The following SLC5A10 variants were observed in gnomAD, a reference collection of about 807,000 sequenced individuals.
The protein encoded by SLC5A10 is solute carrier family 5 member 10, also known as sodium/mannose cotransporter SLC5A10.
In SLC5A10, 55 loss-of-function variants were observed where a neutral mutation model predicts 68.9. That is an observed-to-expected ratio of 0.80 (90% CI 0.64 to 1.00). SLC5A10 has a LOEUF of 1.00. Ranked by LOEUF, SLC5A10 falls within the 50% of genes least tolerant of loss-of-function variation. The probability of loss-of-function intolerance (pLI) is 0.00; values close to 1 mark genes in which losing one functional copy is unlikely to be tolerated. For synonymous variants in SLC5A10, 344 were observed against 344.8 expected (o/e 1.00, Z 0.02); for missense variants, 732 against 819.3 (o/e 0.89, Z 1.30).
At chr17:18,970,386 C>CCCCG (rs1449757594) in intron 7 of SLC5A10, 17 of 155,434 alleles carry the variant, frequency 1.1e-4, no homozygotes, top group Non-Finnish European at 2.1e-4. Context: ...CTTGGCCATG[C>CCCCG]CGGGCCCTGA....
chr17:18,971,533 A>G lies in SLC5A10; in HGVS notation c.846+315A>G, dbSNP rs1433088393. The G allele has an allele frequency of 6.2e-7, 1 of 1,613,762 alleles. No homozygotes were observed. The highest frequency in any genetic ancestry group is 1.7e-5 in the Admixed American group (1 of 60,020). On this transcript the variant is annotated intron_variant, in intron 8 of 14. Coordinates refer to ENST00000395645, the MANE Select transcript of SLC5A10 (RefSeq NM_001042450.4). The surrounding 1 kb of genome is among the most constrained non-coding windows in gnomAD (Gnocchi z 5.5). ...CCCTGCCATCGGTCATGGGGCGGGC[A>G]TTTTGGGCCAGTCTTGGGCTGCCGG...
upstream of SLC5A10, among the ~76,000 whole-genome samples, chr17:18,951,061 C>T (rs1386628743): frequency 6.6e-6 from 1 of 152,246 alleles, no homozygotes; most frequent in African/African-American, 2.4e-5. Flanking sequence ...TATTGAGTAA[C>T]AGGCTGGCTG....
At chr17:19,005,116 G>T (rs936799851) in intron 9 of SLC5A10, among the ~76,000 whole-genome samples, 3 of 152,154 alleles carry the variant, frequency 2.0e-5, no homozygotes, top group African/African-American at 7.2e-5. Context: ...AGTCCGTGCG[G>T]CTGTATAGAT....
At position 19,000,133 on chromosome 17, in the gene SLC5A10, A is replaced by C. The variant is rs909958681; in HGVS notation, c.983-13277A>C. Among the ~76,000 whole-genome samples the C allele has an allele frequency of 2.0e-5, 3 of 152,208 alleles. No homozygotes were observed. The highest frequency in any genetic ancestry group is 7.2e-5 in the African/African-American group (3 of 41,462). On this transcript the variant is annotated intron_variant, in intron 9 of 14. Coordinates refer to ENST00000395645, the MANE Select transcript of SLC5A10 (RefSeq NM_001042450.4). This position sits in a 1 kb window ranked among gnomAD's most constrained non-coding sequence, Gnocchi z 5.2. Reference sequence around the variant, plus strand: ...TGGTATGTAGTTGGAACCCCACAGCAGGTTTTTTCCCAGATAAATCATGGC... The same window carrying C: ...TGGTATGTAGTTGGAACCCCACAGCCGGTTTTTTCCCAGATAAATCATGGC...
chr17:19,005,892 A>G (rs1384609247), intron 9 of SLC5A10, among the ~76,000 whole-genome samples: 2 of 152,218 alleles, frequency 1.3e-5, no homozygotes, highest in Non-Finnish European at 2.9e-5. Flanking sequence ...CCAGGGCCAG[A>G]GAGGGGAGGT....
chr17:18,960,505 A>G (rs1242613612), intron 4 of SLC5A10, 43 bp from the exon 5 acceptor site: 2 of 1,556,854 alleles, frequency 1.3e-6, no homozygotes, highest in African/African-American at 1.4e-5. Context: ...AGCCCTGGGC[A>G]TCATCTGGAG....
intron 9 of SLC5A10, among the ~76,000 whole-genome samples, chr17:19,002,618 T>A (rs754368856): frequency 1.2e-4 from 18 of 152,190 alleles, no homozygotes; most frequent in Non-Finnish European, 2.4e-4. Flanking sequence ...TAGGTAAGCT[T>A]TATCTATCAA....
chr17:18,953,339 G>A (rs1597806510), intron 1 of SLC5A10, among the ~76,000 whole-genome samples: 5 of 152,060 alleles, frequency 3.3e-5, no homozygotes, highest in African/African-American at 1.2e-4. Flanking sequence ...TTACCGTGTT[G>A]GCCAGGCTAG....
intron 1 of SLC5A10, among the ~76,000 whole-genome samples, chr17:18,956,904 G>T (rs1267339569): frequency 6.6e-6 from 1 of 152,050 alleles, no homozygotes; most frequent in African/African-American, 2.4e-5. Context: ...CCCTGTGAGG[G>T]TTAGGAAGCC....
At chr17:18,991,968 G>A (rs369057226) in intron 9 of SLC5A10, among the ~76,000 whole-genome samples, 1 of 152,132 alleles carries the variant, frequency 6.6e-6, no homozygotes, top group Non-Finnish European at 1.5e-5. Context: ...GCCATGCCTG[G>A]GGGGCAGAGG....
chr17:18,970,695 C>T, intron 7 of SLC5A10: 1 of 369,964 alleles, frequency 2.7e-6, no homozygotes. Flanking sequence ...TGGCTGAGAA[C>T]CACTTGCCCA....
chr17:18,960,593 C>A lies in SLC5A10; in HGVS notation c.394C>A (p.Arg132=). 6.2e-7 allele frequency: 1 copy of A among 1,614,120 alleles called. No individual in the cohort carries two copies. Among genetic ancestry groups the A allele is most frequent in the Non-Finnish European group, 8.5e-7 (1 of 1,179,994 alleles). Residue 132 remains arginine (R), a synonymous_variant, in exon 5 of 15, where the codon CGG becomes AGG. Transcript: ENST00000395645. ...EYIQKRYGGQ[R]IRMYLSVLSL... is the part of the protein sequence containing the mutation. ...CATTCAGAAGCGCTACGGGGGCCAG[C>A]GGATCCGCATGTACCTGTCTGTCCT...
upstream of SLC5A10, chr17:18,952,076 C>T (rs1194660224): frequency 6.5e-5 from 93 of 1,430,482 alleles, no homozygotes; most frequent in Non-Finnish European, 7.9e-5. Context: ...CATGCAGCCA[C>T]ATCATGGGCT....
chr17:19,019,698 C>G lies in SLC5A10; in HGVS notation c.1411-15C>G. ...CCTCCCGTAGCCCCACATGCCCTGC[C>G]TCCCTCCTCCCCAGGGGGCCTTCTG... On this transcript the variant is annotated splice_polypyrimidine_tract_variant and intron_variant, in intron 12 of 14. Transcript: ENST00000395645. 1 of 1,606,694 alleles carries G rather than the reference C, an allele frequency of 6.2e-7. No homozygotes were observed. The highest frequency in any genetic ancestry group is 1.1e-5 in the South Asian group (1 of 90,696).
intron 9 of SLC5A10, chr17:18,978,950 G>C: frequency 7.3e-7 from 1 of 1,365,724 alleles, no homozygotes; most frequent in African/African-American, 1.4e-5. Flanking sequence ...TGTGGCCACA[G>C]GGCCCTGGGA....
intron 9 of SLC5A10, among the ~76,000 whole-genome samples, chr17:19,008,658 C>A (rs2043951478): frequency 6.6e-6 from 1 of 152,056 alleles, no homozygotes; most frequent in Admixed American, 6.5e-5. Context: ...TGCCACCACG[C>A]CCTGCTAATT....
rs1555580920 is a variant in SLC5A10, at chr17:19,015,197, A to ACGGTACGGGGGGGGGGGC, written c.1241+9_1241+10insGGGGGGCCGGTACGGGGG. On this transcript the variant is annotated inframe_insertion and splice_region_variant, in exon 11 of 15. Transcript: ENST00000395645. ...GCGAGCGGGAGCTCCTGCTGGTGGG[A>ACGGTACGGGGGGGGGGGC]CGGTACGGGGGTGGGGGCCAGTACG... 1.4e-5 allele frequency: 13 copies of ACGGTACGGGGGGGGGGGC among 908,208 alleles called. No individual in the cohort carries two copies. The highest frequency in any genetic ancestry group is 1.7e-5 in the Non-Finnish European group (10 of 594,288). The allele number at this position is 908,208 out of a possible 1,614,324, so 56.3% of individuals were successfully genotyped here. A position where few individuals can be genotyped will look rare whatever the true frequency, so the allele number is the denominator to read the frequency against.
At chr17:18,953,835 G>A (rs2042428680) in intron 1 of SLC5A10, 1 of 152,622 alleles carries the variant, frequency 6.6e-6, no homozygotes, top group Non-Finnish European at 1.5e-5. Context: ...TGTTCAACTG[G>A]CAGGTATTCT....
intron 9 of SLC5A10, among the ~76,000 whole-genome samples, chr17:19,010,426 CA>C (rs1425005143): frequency 6.6e-6 from 1 of 152,112 alleles, no homozygotes; most frequent in African/African-American, 2.4e-5. Context: ...GCCAGCTCCC[CA>C]GTTCTCACTG....
Sources: gnomAD v4.1 joint callset for allele counts (sites outside exome capture counted in the v4.1 genomes callset) on GRCh38, gnomAD v4.1.1 for gene constraint, Gnocchi (gnomAD v3.1) non-coding constraint, MANE v1.5 for transcripts, NCBI Gene and HGNC (gene_info 2026-07-23, HGNC 2026-07-21) for gene names.